SORBS2: variants seen among roughly 807,000 people sequenced by gnomAD.
SORBS2 encodes sorbin and SH3 domain-containing protein 2.
Under a neutral mutation model 97.7 loss-of-function variants are expected in SORBS2, and 46 were observed. The ratio of observed to expected loss-of-function variants is 0.47; its 90% CI spans 0.37 to 0.60. SORBS2 has a LOEUF of 0.60. Among genes scored for constraint, SORBS2 ranks in the 20% least tolerant of loss-of-function variants. SORBS2 has a pLI of 0.00. For synonymous variants in SORBS2, 476 were observed against 473.4 expected, an observed-to-expected ratio of 1.01 and a Z score of -0.07; for missense variants, 1,316 against 1,282.3, an observed-to-expected ratio of 1.03 and a Z score of -0.40.
chr4:185,651,785 T>A, intron 2 of SORBS2: 1 of 1,502,360 alleles, frequency 6.7e-7, no homozygotes, highest in Non-Finnish European at 9.3e-7. Flanking sequence ...CCATCCTACC[T>A]GCATTGTATG....
chr4:185,646,978 C>T (rs111405136), intron 3 of SORBS2, among the ~76,000 whole-genome samples, 196 bp from the exon 13 acceptor site: 9 of 151,360 alleles, frequency 5.9e-5, no homozygotes, highest in African/African-American at 1.2e-4. Flanking sequence ...TTTGTAGACG[C>T]GCAGAGAGTG....
intron 12 of SORBS2, among the ~76,000 whole-genome samples, chr4:185,610,879 T>C (rs1370180798): frequency 6.6e-6 from 1 of 152,148 alleles, no homozygotes; most frequent in East Asian, 1.9e-4. Context: ...TGGAAGTCAT[T>C]GGCAATTTAA....
chr4:185,698,703 A>G (rs2098215173), intron 2 of SORBS2, among the ~76,000 whole-genome samples: 1 of 152,206 alleles, frequency 6.6e-6, no homozygotes, highest in Admixed American at 6.5e-5. Context: ...ACATAGAACC[A>G]TATGTTTCTT....
At chr4:185,645,816 CAAAGAAAAT>C (rs1244974381) in intron 4 of SORBS2, 2 of 152,226 alleles carry the variant, frequency 1.3e-5, no homozygotes, top group East Asian at 3.9e-4. Flanking sequence ...TGTGGAGTTT[CAAAGAAAAT>C]CCTGAGGACA....
chr4:185,874,693 G>A (rs1198993255), intron 1 of SORBS2, among the ~76,000 whole-genome samples: 1 of 152,066 alleles, frequency 6.6e-6, no homozygotes, highest in Non-Finnish European at 1.5e-5. Context: ...AAACTCTGCT[G>A]TATCTTTATG....
At position 185,921,815 on chromosome 4, in the gene SORBS2, T is replaced by C. The variant is rs553530163; in HGVS notation, c.-338+34381A>G. Among the ~76,000 whole-genome samples the C allele has an allele frequency of 8.5e-5, 13 of 152,344 alleles. No individual in the cohort carries two copies. The South Asian group carries it at 1.0e-3, about 12-fold the overall frequency. On this transcript the variant is annotated intron_variant, in intron 1 of 20. Transcript: ENST00000284776. The stretch of plus-strand genomic sequence containing the variant: ...TTTCAAAGCGATCCTTCCAGTCTTC[T>C]TCAAAAGGAGTAGTCTTGCATTCCC...
intron 5 of SORBS2, among the ~76,000 whole-genome samples, chr4:185,627,992 G>GT (rs1379318227): frequency 6.6e-6 from 1 of 152,098 alleles, no homozygotes; most frequent in African/African-American, 2.4e-5. Flanking sequence ...TCCTCCATGT[G>GT]TTTTTTGTCA....
At chr4:185,642,956 C>T (rs574269324) in intron 4 of SORBS2, among the ~76,000 whole-genome samples, 1 of 152,254 alleles carries the variant, frequency 6.6e-6, no homozygotes, top group Non-Finnish European at 1.5e-5. Context: ...CCAACTTTTT[C>T]CACTGACTGC....
At chr4:185,757,737 T>C (rs6812818) in intron 2 of SORBS2, among the ~76,000 whole-genome samples, 48,270 of 151,998 alleles carry the variant, frequency 0.32, 8,044 homozygotes, top group African/African-American at 0.4. Context: ...TGGAACATAT[T>C]ACAGAGACAA....
chr4:185,597,261 T>C (rs1293611836), intron 12 of SORBS2, among the ~76,000 whole-genome samples: 1 of 152,124 alleles, frequency 6.6e-6, no homozygotes, highest in Non-Finnish European at 1.5e-5. Context: ...AATCAATGAG[T>C]TGGACAAGAT....
chr4:185,947,586 G>T (rs1252135744), intron 1 of SORBS2, among the ~76,000 whole-genome samples: 1 of 149,930 alleles, frequency 6.7e-6, no homozygotes, highest in African/African-American at 2.5e-5. Context: ...TACACAATAG[G>T]GATTACAAAA....
chr4:185,755,818 C>T (rs1338767017), intron 2 of SORBS2, among the ~76,000 whole-genome samples: 3 of 151,624 alleles, frequency 2.0e-5, no homozygotes, highest in Non-Finnish European at 4.4e-5. Context: ...CTTTACATTC[C>T]TCATATCTCA....
intron 2 of SORBS2, among the ~76,000 whole-genome samples, chr4:185,748,887 G>A (rs941861898): frequency 1.3e-5 from 2 of 152,166 alleles, no homozygotes; most frequent in African/African-American, 2.4e-5. Context: ...ACTCCAAGAA[G>A]CACCTTTCCA....
At chr4:185,836,070 C>T (rs538388185) in intron 1 of SORBS2, among the ~76,000 whole-genome samples, 16 of 151,906 alleles carry the variant, frequency 1.1e-4, no homozygotes, top group African/African-American at 1.2e-4. Flanking sequence ...AACCCAAATA[C>T]GAATGTAATA....
chr4:185,714,080 C>T (rs2098446010), intron 2 of SORBS2, among the ~76,000 whole-genome samples: 2 of 152,144 alleles, frequency 1.3e-5, no homozygotes, highest in Non-Finnish European at 2.9e-5. Context: ...ATAACATAAC[C>T]TTCATTATTT....
At chr4:185,953,551 A>T (rs12498274) in intron 1 of SORBS2, among the ~76,000 whole-genome samples, 373 of 152,210 alleles carry the variant, frequency 2.5e-3, no homozygotes, top group Admixed American at 3.9e-3. Context: ...CATAGGCTTC[A>T]GAGCATTAAA....
At position 185,623,284 on chromosome 4, in the gene SORBS2, A is replaced by T. The variant is rs748581235; in HGVS notation, c.1845T>A (p.Asn615Lys). 21 of 1,613,854 alleles carry T rather than the reference A, an allele frequency of 1.3e-5. No homozygotes were observed. Among genetic ancestry groups the T allele is most frequent in the Middle Eastern group, 1.6e-4 (1 of 6,084 alleles). The change falls in exon 7 of 15, where the codon AAT becomes AAA. Residue 615 changes from asparagine (N) to lysine (K), a missense_variant. Coordinates refer to ENST00000418609, the Ensembl canonical transcript of SORBS2. The surrounding 1 kb of genome is among the most constrained non-coding windows in gnomAD (Gnocchi z 6.4). Reference sequence around the variant, plus strand: ...TTTCAGTCTGTTTCTTAGGAGCCGAATTTTTTTTCCTCCGGAAAGGCACAG... The same window carrying T: ...TTTCAGTCTGTTTCTTAGGAGCCGATTTTTTTTTCCTCCGGAAAGGCACAG...
chr4:185,759,969 C>T (rs1028358925), intron 2 of SORBS2, among the ~76,000 whole-genome samples: 1 of 152,188 alleles, frequency 6.6e-6, no homozygotes, highest in African/African-American at 2.4e-5. Context: ...ACAGCACTTT[C>T]ATATTCCTAT....
chr4:185,854,683 G>A (rs2099219726), intron 1 of SORBS2, among the ~76,000 whole-genome samples: 1 of 152,144 alleles, frequency 6.6e-6, no homozygotes. Flanking sequence ...CTCTCAAAGT[G>A]TTTCTCTTAA....
Sources: allele counts gnomAD v4.1 joint callset (sites outside exome capture counted in the v4.1 genomes callset), GRCh38; gene constraint gnomAD v4.1.1; non-coding constraint Gnocchi (gnomAD v3.1); transcripts MANE v1.5; gene names NCBI Gene and HGNC (gene_info 2026-07-23, HGNC 2026-07-21).